DAAM1: variants seen among roughly 807,000 people sequenced by gnomAD.
DAAM1 encodes the protein dishevelled associated activator of morphogenesis 1.
In DAAM1, 52 loss-of-function variants were observed where a neutral mutation model predicts 130.0. The ratio of observed to expected loss-of-function variants is 0.40; its 90% CI spans 0.32 to 0.50. The LOEUF is 0.50. DAAM1 is among the 20% of genes least tolerant of loss of function. The probability of loss-of-function intolerance (pLI) is 0.61; values close to 1 mark genes in which losing one functional copy is unlikely to be tolerated. For synonymous variants in DAAM1, 452 were observed against 444.5 expected, an observed-to-expected ratio of 1.02 and a Z score of -0.21; for missense variants, 1,134 against 1,303.8, an observed-to-expected ratio of 0.87 and a Z score of 2.01.
chr14:59,356,383 C>G (rs1034527159), intron 20 of DAAM1, among the ~76,000 whole-genome samples: 3 of 152,180 alleles, frequency 2.0e-5, no homozygotes, highest in African/African-American at 7.2e-5. Flanking sequence ...TATAGCCCTG[C>G]CACCTTATTT....
chr14:59,197,103 G>C (rs1887923129), intron 1 of DAAM1, among the ~76,000 whole-genome samples: 1 of 152,138 alleles, frequency 6.6e-6, no homozygotes, highest in Non-Finnish European at 1.5e-5. Flanking sequence ...TGTATTTTTA[G>C]TAGAGACGGG....
intron 3 of DAAM1, 120 bp from the exon 4 acceptor site, chr14:59,315,159 AC>A (rs1884737812): frequency 1.1e-6 from 1 of 871,480 alleles, no homozygotes; most frequent in Admixed American, 1.7e-5. Flanking sequence ...AATACGTCAT[AC>A]CTTCGTGTCT....
intron 1 of DAAM1, among the ~76,000 whole-genome samples, chr14:59,256,168 A>C (rs928385050): frequency 3.3e-5 from 5 of 152,230 alleles, no homozygotes; most frequent in Non-Finnish European, 7.3e-5. Flanking sequence ...TCATGTATTA[A>C]ATACTGATTG....
chr14:59,263,599 T>C lies in DAAM1; in HGVS notation c.122T>C (p.Met41Thr), dbSNP rs758957743. The change falls in exon 2 of 25, where the codon ATG (methionine) becomes ACG (threonine). Residue 41 changes from methionine to threonine, a missense_variant. Transcript: ENST00000360909. ...RNDSNFALQT[M>T]EPALPMPPVE... ...GATAGCAACTTTGCGCTTCAGACCA[T>C]GGAACCAGCATTGCCCATGCCCCCT... 5.0e-6 allele frequency: 8 copies of C among 1,614,096 alleles called. No individual in the cohort carries two copies. Among genetic ancestry groups the C allele is most frequent in the Non-Finnish European group, 6.8e-6 (8 of 1,180,024 alleles).
rs1001867884 is a variant in DAAM1 at position 59,301,943 on chromosome 14, C to G, written c.273+10637C>G. ...GTGTGCTTTGTGGATACCATCTCTC[C>G]TTGTGCTTTCTAATACATGTTGAGT... On this transcript the variant is annotated intron_variant, in intron 3 of 24. Coordinates refer to ENST00000360909, the MANE Select transcript of DAAM1 (RefSeq NM_001270520.2). 3.4e-4 allele frequency among the ~76,000 whole-genome samples: 51 copies of G among 152,116 alleles called. 2 individuals carry two copies. The highest frequency in any genetic ancestry group is 7.4e-5 in the Non-Finnish European group (5 of 68,016).
Position 59,268,062 on chromosome 14 carries a change from C to G in DAAM1, c.183+4402C>G, listed in dbSNP as rs967486739. On this transcript the variant is annotated intron_variant, in intron 2 of 24. Transcript: ENST00000360909. ...GGACCACAAGCACGCACCACTGCGC[C>G]CAGCTATTTTTGTATTTTTTTTTAG... Among the ~76,000 whole-genome samples the G allele has an allele frequency of 3.9e-5, 6 of 152,092 alleles. No homozygotes were observed. In the South Asian group the frequency reaches 1.2e-3, roughly 32 times the overall value.
intron 3 of DAAM1, among the ~76,000 whole-genome samples, chr14:59,301,091 G>T (rs1200150763): frequency 7.5e-6 from 1 of 132,838 alleles, no homozygotes; most frequent in Non-Finnish European, 1.8e-5. Context: ...TCTGAGGGAA[G>T]GAAACTAATA....
At chr14:59,361,112 A>T (rs551261651) in intron 22 of DAAM1, among the ~76,000 whole-genome samples, 1 of 152,272 alleles carries the variant, frequency 6.6e-6, no homozygotes, top group Admixed American at 6.5e-5. Context: ...TGTGCCACCA[A>T]TTTATCTGTA....
intron 24 of DAAM1, among the ~76,000 whole-genome samples, chr14:59,368,250 G>A (rs1232271175): frequency 6.7e-6 from 1 of 148,404 alleles, no homozygotes; most frequent in Non-Finnish European, 1.5e-5. Flanking sequence ...TTCCACAGTA[G>A]ACACAAGCTA....
chr14:59,261,848 A>T lies in DAAM1; in HGVS notation c.-37-1593A>T, dbSNP rs375194359. Among the ~76,000 whole-genome samples the T allele has an allele frequency of 5.3e-5, 8 of 152,366 alleles. No homozygotes were observed. The East Asian group carries it at 1.2e-3, about 22-fold the overall frequency. The stretch of plus-strand genomic sequence containing the variant: ...CTTTTAAAACTTAAGAACAAAAAAA[A>T]GTTCAAGGAAGGCATCTGTTTTCTC... On this transcript the variant is annotated intron_variant, in intron 1 of 24. Transcript: ENST00000360909.
chr14:59,198,518 C>T (rs1481063317), intron 1 of DAAM1, among the ~76,000 whole-genome samples: 7 of 151,962 alleles, frequency 4.6e-5, no homozygotes, highest in African/African-American at 7.3e-5. Context: ...CATGAGCCAC[C>T]GTGCCTGGCC....
intron 12 of DAAM1, among the ~76,000 whole-genome samples, chr14:59,328,136 C>A (rs1034472865): frequency 3.3e-5 from 5 of 152,194 alleles, no homozygotes; most frequent in Middle Eastern, 3.2e-3. Flanking sequence ...CCCAGAGATG[C>A]CTAAGCATTT....
At chr14:59,367,620 C>A in intron 24 of DAAM1, 21 bp downstream of exon 24, 1 of 1,606,284 alleles carries the variant, frequency 6.2e-7, no homozygotes, top group Non-Finnish European at 8.5e-7. Context: ...GATTAATTGA[C>A]CAATTCCACC....
At chr14:59,289,575 C>T (rs1245884195) in intron 2 of DAAM1, among the ~76,000 whole-genome samples, 1 of 151,860 alleles carries the variant, frequency 6.6e-6, no homozygotes, top group Non-Finnish European at 1.5e-5. Context: ...GTGAAGATTT[C>T]TTAAAGAATT....
intron 3 of DAAM1, among the ~76,000 whole-genome samples, chr14:59,301,396 C>T (rs984384331): frequency 2.0e-5 from 3 of 151,976 alleles, no homozygotes; most frequent in African/African-American, 4.8e-5. Context: ...TTGTTCATAT[C>T]GTTCAAATGA....
chr14:59,269,434 G>A (rs1882609886), intron 2 of DAAM1, among the ~76,000 whole-genome samples: 1 of 152,170 alleles, frequency 6.6e-6, no homozygotes, highest in Non-Finnish European at 1.5e-5. Flanking sequence ...GCCCCTTTGG[G>A]GAGCTCTACA....
At chr14:59,196,224 C>A (rs573893390) in intron 1 of DAAM1, among the ~76,000 whole-genome samples, 1 of 152,158 alleles carries the variant, frequency 6.6e-6, no homozygotes, top group Non-Finnish European at 1.5e-5. Flanking sequence ...AGATAAAGTT[C>A]TGGATATTTG....
At chr14:59,345,243 G>A (rs779661915) in intron 16 of DAAM1, among the ~76,000 whole-genome samples, 8 of 152,144 alleles carry the variant, frequency 5.3e-5, no homozygotes, top group African/African-American at 7.2e-5. Flanking sequence ...TTTCTAACGC[G>A]ATATTCTGGG....
intron 2 of DAAM1, among the ~76,000 whole-genome samples, chr14:59,275,106 G>A (rs1044719829): frequency 6.6e-6 from 1 of 152,196 alleles, no homozygotes; most frequent in Non-Finnish European, 1.5e-5. Flanking sequence ...TATCGAAGGA[G>A]GTGGCCATGT....
Sources: gnomAD v4.1 joint callset for allele counts (sites outside exome capture counted in the v4.1 genomes callset) on GRCh38, gnomAD v4.1.1 for gene constraint, MANE v1.5 for transcripts, NCBI Gene and HGNC (gene_info 2026-07-23, HGNC 2026-07-21) for gene names.